WDR64: variants seen among roughly 807,000 people sequenced by gnomAD.
The protein encoded by WDR64 is WD repeat-containing protein 64.
In WDR64, 112 loss-of-function variants were observed where a neutral mutation model predicts 139.3. The observed-to-expected ratio is 0.80, with a 90% CI of 0.69 to 0.94. The LOEUF (loss-of-function observed/expected upper bound fraction) is 0.94. Among genes scored for constraint, WDR64 ranks in the 40% least tolerant of loss-of-function variants. WDR64 has a pLI of 0.00. For missense variants in WDR64, 1,206 were observed against 1,293.1 expected (o/e 0.93, Z 1.03); for synonymous variants, 444 against 437.7 (o/e 1.01, Z -0.18).
At chr1:241,796,904 C>A (rs1659384384) in intron 27 of WDR64, among the ~76,000 whole-genome samples, 1 of 152,128 alleles carries the variant, frequency 6.6e-6, no homozygotes, top group Admixed American at 6.5e-5. Context: ...GATCAATAAG[C>A]CTGAGCTAAT....
At chr1:241,704,216 C>T (rs1667848820) in intron 8 of WDR64, among the ~76,000 whole-genome samples, 1 of 152,210 alleles carries the variant, frequency 6.6e-6, no homozygotes, top group African/African-American at 2.4e-5. Context: ...TTCCCAACCT[C>T]ACCCCTGCCA....
intron 8 of WDR64, among the ~76,000 whole-genome samples, chr1:241,696,320 C>A (rs1172228563): frequency 2.0e-5 from 3 of 151,772 alleles, no homozygotes; most frequent in Admixed American, 1.3e-4. Context: ...TCTCAGATAT[C>A]TTTGTTATTG....
Position 241,671,550 on chromosome 1 carries a change from A to G in WDR64, c.379+374A>G, listed in dbSNP as rs551662879. 2.0e-5 allele frequency among the ~76,000 whole-genome samples: 3 copies of G among 152,336 alleles called. No homozygotes were observed. In the East Asian group the frequency reaches 5.8e-4, roughly 29 times the overall value. On this transcript the variant is annotated intron_variant, in intron 3 of 27. Coordinates refer to ENST00000437684, the MANE Select transcript of WDR64 (RefSeq NM_001367482.1). The stretch of plus-strand genomic sequence containing the variant: ...AAAATTAACTTTTTGAGTTTTCACT[A>G]AACATGACTCTTCTATTCACTCTCA...
chr1:241,675,162 A>C (rs188709626), intron 4 of WDR64, among the ~76,000 whole-genome samples: 270 of 6,228 alleles, frequency 0.043, no homozygotes, highest in African/African-American at 0.062. Context: ...CTTCTTCCCT[A>C]CCTCCCACCC....
chr1:241,749,674 G>A lies in WDR64; in HGVS notation c.1722G>A (p.Gln574=), dbSNP rs751057989. Reference sequence around the variant, plus strand: ...TCCTCAAAGCCCAAGAAAAACACCAGCAGCTGGTCCTGGCCTTGGAGCGCA... The same window carrying A: ...TCCTCAAAGCCCAAGAAAAACACCAACAGCTGGTCCTGGCCTTGGAGCGCA... ...LIFLKAQEKH[Q]QLVLALERNG... The change falls in exon 14 of 28, where the codon CAG becomes CAA. Residue 574 remains glutamine (Q), a synonymous_variant. Transcript: ENST00000437684. 1.8e-5 allele frequency: 29 copies of A among 1,614,012 alleles called. No homozygotes were observed. The East Asian group carries it at 4.9e-4, about 27-fold the overall frequency.
intron 8 of WDR64, among the ~76,000 whole-genome samples, chr1:241,698,942 G>A (rs1380313614): frequency 6.6e-6 from 1 of 152,190 alleles, no homozygotes; most frequent in Non-Finnish European, 1.5e-5. Flanking sequence ...CGTGGTGGAA[G>A]GGGAAGCAAA....
intron 10 of WDR64, among the ~76,000 whole-genome samples, chr1:241,733,922 C>A (rs769539687): frequency 6.6e-6 from 1 of 152,114 alleles, no homozygotes. Flanking sequence ...GTCATAAGAA[C>A]ACTGACAACC....
At chr1:241,752,568 G>A (rs10157695) in intron 14 of WDR64, among the ~76,000 whole-genome samples, 21,793 of 152,172 alleles carry the variant, frequency 0.14, 1,703 homozygotes, top group African/African-American at 0.17. Context: ...ACCACTGTTG[G>A]GCTGGATATA....
rs762914918 is a variant in WDR64, at chr1:241,749,662, A to G, written c.1710A>G (p.Gln570=). 1.2e-6 allele frequency: 2 copies of G among 1,614,176 alleles called. No homozygotes were observed. The highest frequency in any genetic ancestry group is 8.5e-7 in the Non-Finnish European group (1 of 1,180,030). Reference sequence around the variant, plus strand: ...GACGCCTCATTTTCCTCAAAGCCCAAGAAAAACACCAGCAGCTGGTCCTGG... The same window carrying G: ...GACGCCTCATTTTCCTCAAAGCCCAGGAAAAACACCAGCAGCTGGTCCTGG... ...CLRRLIFLKA[Q]EKHQQLVLAL... The change falls in exon 14 of 28, where the codon CAA becomes CAG. Residue 570 remains glutamine, a synonymous_variant. Transcript: ENST00000437684.
chr1:241,777,569 C>T (rs1480256334), intron 21 of WDR64, among the ~76,000 whole-genome samples: 1 of 144,670 alleles, frequency 6.9e-6, no homozygotes, highest in Admixed American at 6.8e-5. Context: ...AGGCACCTGA[C>T]ACCACGGCCA....
intron 10 of WDR64, among the ~76,000 whole-genome samples, chr1:241,735,531 CTCTT>C (rs1172943654): frequency 3.1e-5 from 3 of 96,788 alleles, no homozygotes; most frequent in African/African-American, 8.2e-5. Flanking sequence ...CTCTCTCTCT[CTCTT>C]TTTTTTTTTT....
chr1:241,700,168 C>CTTT (rs543704910), intron 8 of WDR64, among the ~76,000 whole-genome samples: 5 of 139,510 alleles, frequency 3.6e-5, no homozygotes, highest in African/African-American at 1.3e-4. Context: ...GAATCTGTTT[C>CTTT]TTTTTTTTTT....
At chr1:241,676,381 T>C (rs1666555347) in intron 4 of WDR64, 1 of 152,228 alleles carries the variant, frequency 6.6e-6, no homozygotes, top group African/African-American at 2.4e-5. Flanking sequence ...TGGCCATTGC[T>C]ATAATAAACA....
At position 241,784,953 on chromosome 1, in the gene WDR64, G is replaced by GA. The variant is rs58720618; in HGVS notation, c.2705+1595dup. Reference sequence around the variant, plus strand: ...TGGGCGACAGAGTGAGACTCTGTCTGAAAAAAAAAAAAAAAAAAAAAAAGA... The same window carrying GA: ...TGGGCGACAGAGTGAGACTCTGTCTGAAAAAAAAAAAAAAAAAAAAAAAAGA... On this transcript the variant is annotated intron_variant, in intron 23 of 27. Coordinates refer to ENST00000437684, the MANE Select transcript of WDR64 (RefSeq NM_001367482.1). Among the ~76,000 whole-genome samples, 306 of 62,226 alleles carry GA rather than the reference G, an allele frequency of 4.9e-3. 3 individuals are homozygous for GA. Among genetic ancestry groups the GA allele is most frequent in the African/African-American group, 0.016 (288 of 18,442 alleles). The allele number at this position is 62,226 out of a possible 152,430, so 40.8% of individuals were successfully genotyped here.
At chr1:241,742,838 G>A (rs1036856998) in intron 12 of WDR64, among the ~76,000 whole-genome samples, 3 of 152,158 alleles carry the variant, frequency 2.0e-5, no homozygotes, top group African/African-American at 7.2e-5. Flanking sequence ...TTTCCTAGAG[G>A]CCAGGGGTCC....
chr1:241,689,306 CA>C (rs60280115), intron 8 of WDR64, among the ~76,000 whole-genome samples: 78,164 of 151,816 alleles, frequency 0.51, 20,500 homozygotes, highest in African/African-American at 0.6. Context: ...TCAGAGTGAT[CA>C]AAAAAACAAG....
intron 24 of WDR64, among the ~76,000 whole-genome samples, chr1:241,789,410 A>G (rs1331104133): frequency 6.6e-6 from 1 of 152,216 alleles, no homozygotes; most frequent in African/African-American, 2.4e-5. Flanking sequence ...TCATTCTACT[A>G]AAAAGATACA....
intron 23 of WDR64, among the ~76,000 whole-genome samples, chr1:241,786,182 G>A (rs1383302077): frequency 6.6e-6 from 1 of 152,194 alleles, no homozygotes; most frequent in African/African-American, 2.4e-5. Context: ...CCAGGACACT[G>A]TCAAGTGGGA....
chr1:241,713,242 T>A (rs1019176659), intron 9 of WDR64, among the ~76,000 whole-genome samples: 1 of 150,220 alleles, frequency 6.7e-6, no homozygotes, highest in Non-Finnish European at 1.5e-5. Context: ...ACCCAGGATG[T>A]TGAGGCTGCA....
Sources: gnomAD v4.1 joint callset for allele counts (sites outside exome capture counted in the v4.1 genomes callset) on GRCh38, gnomAD v4.1.1 for gene constraint, MANE v1.5 for transcripts, NCBI Gene and HGNC (gene_info 2026-07-23, HGNC 2026-07-21) for gene names.